The following SHOC2 variants were observed in gnomAD, a reference collection of about 807,000 sequenced individuals.
The protein encoded by SHOC2 is SHOC2 leucine rich repeat scaffold protein, also known as leucine-rich repeat protein SHOC-2.
SHOC2 carries 4 observed loss-of-function variants against 50.2 expected under a neutral mutation model. The observed-to-expected ratio is 0.08, with a 90% CI of 0.04 to 0.18. SHOC2 has a LOEUF of 0.18. Among genes scored for constraint, SHOC2 ranks in the 10% least tolerant of loss-of-function variants. The pLI is 1.00. For missense variants in SHOC2, 388 were observed against 669.6 expected, an observed-to-expected ratio of 0.58 and a Z score of 4.64; for synonymous variants, 218 against 244.5, an observed-to-expected ratio of 0.89 and a Z score of 1.01.
chr10:110,942,426 C>G (rs866821176), intron 1 of SHOC2, among the ~76,000 whole-genome samples: 2 of 152,292 alleles, frequency 1.3e-5, no homozygotes, highest in South Asian at 4.1e-4. Flanking sequence ...TAGCTCACTA[C>G]AGCCTCTAAC....
chr10:110,935,035 A>T (rs1437475546), intron 1 of SHOC2, among the ~76,000 whole-genome samples: 1 of 152,216 alleles, frequency 6.6e-6, no homozygotes, highest in Non-Finnish European at 1.5e-5. Flanking sequence ...CTTTCTGCAC[A>T]TATATGTGCA....
intron 8 of SHOC2, among the ~76,000 whole-genome samples, chr10:111,010,606 C>T (rs987725539): frequency 5.3e-5 from 8 of 152,086 alleles, no homozygotes; most frequent in African/African-American, 1.2e-4. Flanking sequence ...GGGTGCAGCA[C>T]ACCACCATGG....
At chr10:110,948,080 T>A (rs1256874473) in intron 1 of SHOC2, among the ~76,000 whole-genome samples, 2 of 152,130 alleles carry the variant, frequency 1.3e-5, no homozygotes, top group Non-Finnish European at 2.9e-5. Context: ...GTGGCTATAT[T>A]TATGTAAGAT....
chr10:110,993,640 A>G (rs1005693844), intron 3 of SHOC2, among the ~76,000 whole-genome samples: 5 of 152,146 alleles, frequency 3.3e-5, no homozygotes, highest in African/African-American at 1.2e-4. Context: ...TTGGTACTAG[A>G]TAATGTCATG....
At chr10:110,996,626 A>G (rs1030496722) in intron 3 of SHOC2, among the ~76,000 whole-genome samples, 7 of 152,202 alleles carry the variant, frequency 4.6e-5, no homozygotes, top group Non-Finnish European at 8.8e-5. Context: ...CTGACTTGGA[A>G]GGGATGAAAC....
At chr10:111,004,064 C>T (rs191041787) in intron 4 of SHOC2, among the ~76,000 whole-genome samples, 81 of 152,088 alleles carry the variant, frequency 5.3e-4, no homozygotes, top group African/African-American at 1.6e-3. Context: ...TATAGAAAAG[C>T]GGTGTATTAT....
intron 1 of SHOC2, chr10:110,936,576 T>A: frequency 1.6e-6 from 1 of 640,520 alleles, no homozygotes; most frequent in South Asian, 1.8e-5. Flanking sequence ...AAAGGGCATG[T>A]CCTTTTCTTT....
intron 1 of SHOC2, among the ~76,000 whole-genome samples, chr10:110,955,358 C>CT (rs1406684310): frequency 6.6e-6 from 1 of 152,142 alleles, no homozygotes; most frequent in African/African-American, 2.4e-5. Context: ...AGGAATAACT[C>CT]TTAAGTTTCT....
intron 1 of SHOC2, among the ~76,000 whole-genome samples, chr10:110,958,953 C>T (rs911036846): frequency 4.6e-5 from 7 of 152,144 alleles, no homozygotes; most frequent in Admixed American, 2.6e-4. Context: ...CATTCTGTAA[C>T]ACTTCCTTAC....
chr10:110,952,469 G>A (rs901931655), intron 1 of SHOC2, among the ~76,000 whole-genome samples: 2 of 152,042 alleles, frequency 1.3e-5, no homozygotes, highest in Admixed American at 1.3e-4. Flanking sequence ...AGTATCATAG[G>A]GAATTGCTTT....
intron 2 of SHOC2, among the ~76,000 whole-genome samples, chr10:110,976,675 C>T (rs1381047427): frequency 1.3e-5 from 2 of 151,926 alleles, no homozygotes; most frequent in Non-Finnish European, 2.9e-5. Context: ...TTCCTTTTTT[C>T]CCCCCTCAGT....
chr10:111,007,736 T>C, intron 6 of SHOC2, 83 bp downstream of exon 6: 2 of 1,332,722 alleles, frequency 1.5e-6, no homozygotes, highest in Admixed American at 1.7e-5. Flanking sequence ...ATAAGCAATT[T>C]CTATTTGGGT....
chr10:110,940,910 G>GTTTTTTTTTTTTTTTTTTTTTTT (rs539552844), intron 1 of SHOC2, among the ~76,000 whole-genome samples: 5 of 119,482 alleles, frequency 4.2e-5, no homozygotes, highest in Admixed American at 8.7e-5. Flanking sequence ...TTTGTGGTGG[G>GTTTTTTTTTTTTTTTTTTTTTTT]TTTTTTTTTT....
intron 3 of SHOC2, among the ~76,000 whole-genome samples, chr10:110,998,841 T>C (rs1378824616): frequency 1.3e-5 from 2 of 152,212 alleles, no homozygotes; most frequent in Non-Finnish European, 2.9e-5. Context: ...CTTGATACTT[T>C]CAGCAAGAAG....
chr10:111,000,616 C>A, intron 4 of SHOC2, 71 bp downstream of exon 4: 1 of 1,338,064 alleles, frequency 7.5e-7, no homozygotes, highest in Non-Finnish European at 1.1e-6. Flanking sequence ...GCTAGTAAAT[C>A]TTTATAGCAG....
At chr10:110,919,575 T>A (rs1262203748), upstream of SHOC2, 2 of 206,816 alleles carry the variant, frequency 9.7e-6, no homozygotes, top group Non-Finnish European at 8.9e-6. Flanking sequence ...GGGCGGCGGT[T>A]GGGCAGCGTC....
chr10:110,958,327 C>T (rs1847507082), intron 1 of SHOC2, among the ~76,000 whole-genome samples: 1 of 152,034 alleles, frequency 6.6e-6, no homozygotes, highest in Admixed American at 6.6e-5. Flanking sequence ...GATTCTTCTG[C>T]CTCAGCCTCC....
intron 3 of SHOC2, among the ~76,000 whole-genome samples, chr10:110,991,493 T>C (rs1343226613): frequency 7.2e-5 from 11 of 152,218 alleles, no homozygotes. Flanking sequence ...TTGCATTTAC[T>C]TTTATATGCT....
chr10:110,982,453 C>CTAG (rs933064891), intron 2 of SHOC2, among the ~76,000 whole-genome samples: 16 of 152,032 alleles, frequency 1.1e-4, no homozygotes, highest in Admixed American at 6.5e-4. Context: ...AATGGTTGAA[C>CTAG]TAGTTTACAG....
Sources: allele counts gnomAD v4.1 joint callset (sites outside exome capture counted in the v4.1 genomes callset), GRCh38; gene constraint gnomAD v4.1.1; transcripts MANE v1.5; gene names NCBI Gene and HGNC (gene_info 2026-07-23, HGNC 2026-07-21).